The following ROBO2 variants were observed in gnomAD, a reference collection of about 807,000 sequenced individuals.
The protein encoded by ROBO2 is roundabout homolog 2.
A neutral mutation model predicts 160.8 loss-of-function variants in ROBO2; 53 were observed. The observed-to-expected ratio is 0.33, with a 90% confidence interval of 0.26 to 0.41. The LOEUF (loss-of-function observed/expected upper bound fraction) is 0.41. Among genes scored for constraint, ROBO2 ranks in the 10% least tolerant of loss-of-function variants. ROBO2 has a pLI of 1.00. For synonymous variants in ROBO2, 664 were observed against 611.7 expected (o/e 1.09, Z -1.26); for missense variants, 1,577 against 1,722.4 (o/e 0.92, Z 1.49).
At chr3:75,911,973 T>G (rs1246398488) in intron 1 of ROBO2, among the ~76,000 whole-genome samples, 1 of 152,208 alleles carries the variant, frequency 6.6e-6, no homozygotes, top group African/African-American at 2.4e-5. Context: ...GGTAGAAATT[T>G]GATAGTATTT....
chr3:76,463,002 A>G (rs569240705), intron 2 of ROBO2, among the ~76,000 whole-genome samples: 51 of 150,452 alleles, frequency 3.4e-4, no homozygotes, highest in Admixed American at 5.9e-4. Context: ...GTGTAGGTCC[A>G]CTCACTTTGC....
rs1435372661 is a variant in ROBO2 at position 77,224,682 on chromosome 3, A to G, written c.388+126342A>G. On this transcript the variant is annotated intron_variant, in intron 2 of 25. Transcript: ENST00000461745. ...GTGTTTTTTGTTTTTGTTTTATTTT[A>G]GAACTAAACTCCTCAAATGACTTTA... 3.3e-5 allele frequency among the ~76,000 whole-genome samples: 5 copies of G among 151,892 alleles called. No individual in the cohort carries two copies. The East Asian group carries it at 9.7e-4, about 29-fold the overall frequency.
chr3:77,168,228 G>A (rs752591284), intron 2 of ROBO2, among the ~76,000 whole-genome samples: 3 of 152,262 alleles, frequency 2.0e-5, no homozygotes, highest in South Asian at 2.1e-4. Flanking sequence ...AATACATGAC[G>A]AAGTCAGTGG....
At chr3:76,185,022 C>A (rs1013133079) in intron 2 of ROBO2, among the ~76,000 whole-genome samples, 1 of 151,504 alleles carries the variant, frequency 6.6e-6, no homozygotes, top group Non-Finnish European at 1.5e-5. Context: ...CACAGACATA[C>A]CCCCAGATAA....
At chr3:76,607,167 C>T (rs2087730155) in intron 2 of ROBO2, among the ~76,000 whole-genome samples, 1 of 152,060 alleles carries the variant, frequency 6.6e-6, no homozygotes, top group Non-Finnish European at 1.5e-5. Flanking sequence ...AATCCTCTTG[C>T]CTCAGCCTCC....
intron 4 of ROBO2, among the ~76,000 whole-genome samples, chr3:77,488,034 T>A (rs2085593966): frequency 6.6e-6 from 1 of 152,204 alleles, no homozygotes; most frequent in Non-Finnish European, 1.5e-5. Flanking sequence ...GTATTTTGTG[T>A]TAAATTGTAT....
At chr3:75,925,105 G>A (rs945756747) in intron 1 of ROBO2, among the ~76,000 whole-genome samples, 4 of 152,040 alleles carry the variant, frequency 2.6e-5, no homozygotes, top group African/African-American at 4.8e-5. Flanking sequence ...AAAAACGGGC[G>A]GGGCCGGCTG....
chr3:77,495,294 G>A (rs899467331), intron 5 of ROBO2, among the ~76,000 whole-genome samples: 1 of 152,116 alleles, frequency 6.6e-6, no homozygotes, highest in Non-Finnish European at 1.5e-5. Flanking sequence ...TTATAGGAAA[G>A]TTACAAAAGT....
chr3:77,296,849 G>C (rs369967117), intron 2 of ROBO2, among the ~76,000 whole-genome samples: 5 of 152,112 alleles, frequency 3.3e-5, no homozygotes. Flanking sequence ...CATTATACCG[G>C]TTTGGTGCTT....
chr3:77,269,692 C>G (rs1199974837), intron 2 of ROBO2, among the ~76,000 whole-genome samples: 2 of 152,092 alleles, frequency 1.3e-5, no homozygotes, highest in African/African-American at 4.8e-5. Context: ...CCGCATATAC[C>G]ATATGCACAA....
intron 2 of ROBO2, among the ~76,000 whole-genome samples, chr3:76,783,210 A>G (rs954692801): frequency 3.3e-5 from 5 of 150,900 alleles, no homozygotes; most frequent in African/African-American, 1.2e-4. Flanking sequence ...ACAACTTTTT[A>G]TATGGTGTAT....
At chr3:76,884,335 A>G (rs150436619) in intron 2 of ROBO2, among the ~76,000 whole-genome samples, 60 of 152,328 alleles carry the variant, frequency 3.9e-4, no homozygotes, top group African/African-American at 1.1e-3. Context: ...CCAAACCTTT[A>G]TTAAAGATCT....
rs2065718677 is a variant in ROBO2, at chr3:76,816,959, A to G, written c.110-281055A>G. ...AGCTGGAAACCATCATTCTCAGCAA[A>G]CTAACACAGGAACAGAAAACCAAAC... On this transcript the variant is annotated intron_variant, in intron 2 of 26. Coordinates refer to the ROBO2 transcript ENST00000487694. Among the ~76,000 whole-genome samples, 3 of 152,156 alleles carry G rather than the reference A, an allele frequency of 2.0e-5. No individual in the cohort carries two copies. The South Asian group carries it at 6.2e-4, about 31-fold the overall frequency.
chr3:77,539,485 C>A (rs1005490077), intron 6 of ROBO2, among the ~76,000 whole-genome samples: 2 of 151,814 alleles, frequency 1.3e-5, no homozygotes, highest in Admixed American at 1.3e-4. Flanking sequence ...TTTACTACTG[C>A]AATAGTAAGT....
At chr3:77,039,843 A>T (rs1001297473), upstream of ROBO2, 1 of 152,126 alleles carries the variant, frequency 6.6e-6, no homozygotes, top group Admixed American at 6.6e-5. Context: ...CAGCTGCCGG[A>T]GGAAGCGGAC....
chr3:76,354,300 A>G (rs1310713962), intron 2 of ROBO2, among the ~76,000 whole-genome samples: 4 of 151,928 alleles, frequency 2.6e-5, no homozygotes, highest in Admixed American at 6.6e-5. Context: ...CAATACATAC[A>G]TTCGTATAAC....
At chr3:77,490,044 A>G (rs554078068) in intron 4 of ROBO2, among the ~76,000 whole-genome samples, 1 of 149,252 alleles carries the variant, frequency 6.7e-6, no homozygotes, top group Admixed American at 6.6e-5. Flanking sequence ...CTGATTTTTA[A>G]TGTCGGCATG....
At chr3:77,344,775 T>C (rs1205948460) in intron 2 of ROBO2, among the ~76,000 whole-genome samples, 7 of 152,108 alleles carry the variant, frequency 4.6e-5, no homozygotes, top group Non-Finnish European at 8.8e-5. Flanking sequence ...GATGAGTACT[T>C]AGGAATCTGT....
Position 76,019,013 on chromosome 3 carries a change from G to A in ROBO2, c.109+81411G>A, listed in dbSNP as rs2066486093. Among the ~76,000 whole-genome samples the A allele has an allele frequency of 2.8e-5, 4 of 144,384 alleles. No individual in the cohort carries two copies. In the South Asian group the frequency reaches 6.7e-4, roughly 24 times the overall value. 94.7% of individuals were successfully genotyped at this position (144,384 alleles called of 152,430 possible). A position where few individuals can be genotyped will look rare whatever the true frequency, so the allele number is the denominator to read the frequency against. On this transcript the variant is annotated intron_variant, in intron 2 of 26. Transcript: ENST00000487694. ...ATGGTTAGGTTTTCTTTGAAGTTCC[G>A]TGTGTATCTGAGAATACTGTGTATT...
Sources: allele counts gnomAD v4.1 joint callset (sites outside exome capture counted in the v4.1 genomes callset), GRCh38; gene constraint gnomAD v4.1.1; transcripts MANE v1.5; gene names NCBI Gene and HGNC (gene_info 2026-07-23, HGNC 2026-07-21).